The following PIK3C2G variants were observed in gnomAD, a reference collection of about 807,000 sequenced individuals.
PIK3C2G encodes the protein phosphatidylinositol-4-phosphate 3-kinase catalytic subunit type 2 gamma.
A neutral mutation model predicts 181.1 loss-of-function variants in PIK3C2G; 168 were observed. That is an observed-to-expected ratio of 0.93 (90% CI 0.82 to 1.05). PIK3C2G has a LOEUF of 1.05. Among genes scored for constraint, PIK3C2G ranks in the 50% least tolerant of loss-of-function variants. The probability of loss-of-function intolerance (pLI) is 0.00; values close to 1 mark genes in which losing one functional copy is unlikely to be tolerated. For synonymous variants in PIK3C2G, 573 were observed against 592.2 expected (o/e 0.97, Z 0.47); for missense variants, 1,869 against 1,732.8 (o/e 1.08, Z -1.40).
At chr12:18,359,463 G>A (rs542947874) in intron 11 of PIK3C2G, among the ~76,000 whole-genome samples, 35 of 152,220 alleles carry the variant, frequency 2.3e-4, no homozygotes, top group African/African-American at 7.2e-4. Context: ...GGTCTATAGC[G>A]TTGTTCTAAT....
At chr12:18,252,583 T>C (rs960149645) in intron 1 of PIK3C2G, among the ~76,000 whole-genome samples, 3 of 152,122 alleles carry the variant, frequency 2.0e-5, no homozygotes, top group African/African-American at 4.8e-5. Context: ...AATGAAGAAG[T>C]GGCTAGTCGT....
chr12:18,282,037 G>A lies in PIK3C2G; in HGVS notation c.-45G>A, dbSNP rs1413578226. 2 of 1,084,518 alleles carry A rather than the reference G, an allele frequency of 1.8e-6. No individual in the cohort carries two copies. Among genetic ancestry groups the A allele is most frequent in the Non-Finnish European group, 2.7e-6 (2 of 746,050 alleles). 67.2% of individuals were successfully genotyped at this position (1,084,518 alleles called of 1,614,324 possible). A position where few individuals can be genotyped will look rare whatever the true frequency, so the allele number is the denominator to read the frequency against. On this transcript the variant is annotated 5_prime_UTR_variant, in exon 2 of 33. Transcript: ENST00000538779. Reference sequence around the variant, plus strand: ...CTATCTTCTTTTGTATTATCAAGGAGATATTTGGAGCAGAGTCAACCCTCT... The same window carrying A: ...CTATCTTCTTTTGTATTATCAAGGAAATATTTGGAGCAGAGTCAACCCTCT...
At chr12:18,525,368 G>A (rs1032663443) in intron 24 of PIK3C2G, among the ~76,000 whole-genome samples, 3 of 151,520 alleles carry the variant, frequency 2.0e-5, no homozygotes, top group African/African-American at 7.3e-5. Context: ...ACTCCAACCT[G>A]GGCAACAAAA....
chr12:18,637,769 T>C (rs897019829), intron 31 of PIK3C2G, among the ~76,000 whole-genome samples: 2 of 152,236 alleles, frequency 1.3e-5, no homozygotes, highest in Non-Finnish European at 2.9e-5. Context: ...AAATTGTGTC[T>C]TTTGATTACT....
chr12:18,302,581 A>G (rs574677729), intron 5 of PIK3C2G, among the ~76,000 whole-genome samples: 1 of 152,226 alleles, frequency 6.6e-6, no homozygotes, highest in African/African-American at 2.4e-5. Context: ...GTTCATGTGC[A>G]CCAGTAGAAG....
intron 1 of PIK3C2G, among the ~76,000 whole-genome samples, chr12:18,273,382 A>C (rs953580824): frequency 7.9e-5 from 12 of 152,018 alleles, no homozygotes; most frequent in African/African-American, 2.9e-4. Context: ...GTAGCCTTGT[A>C]GTATAGTTTG....
At chr12:18,673,463 G>T in the PIK3C2G span, among the ~76,000 whole-genome samples, 1 of 152,064 alleles carries the variant, frequency 6.6e-6, no homozygotes, top group Non-Finnish European at 1.5e-5. Context: ...AACTATTAGG[G>T]TTTGATGGCA....
chr12:18,683,216 G>A, the PIK3C2G span: 20 of 1,601,096 alleles, frequency 1.2e-5, no homozygotes, highest in Non-Finnish European at 1.6e-5. Flanking sequence ...CATAGCTAAT[G>A]ATATGTCATT....
intron 18 of PIK3C2G, among the ~76,000 whole-genome samples, chr12:18,428,826 G>A (rs1012823302): frequency 6.6e-6 from 1 of 152,122 alleles, no homozygotes. Flanking sequence ...CATCCTAAAA[G>A]GTGGCTATAA....
intron 18 of PIK3C2G, among the ~76,000 whole-genome samples, chr12:18,442,083 A>T (rs561171171): frequency 6.6e-6 from 1 of 152,310 alleles, no homozygotes; most frequent in Non-Finnish European, 1.5e-5. Flanking sequence ...TATTAGCAGC[A>T]TTTATGATCT....
chr12:18,687,877 A>G, the PIK3C2G span, among the ~76,000 whole-genome samples: 1 of 152,206 alleles, frequency 6.6e-6, no homozygotes, highest in Admixed American at 6.5e-5. Context: ...GGTCAGGTAC[A>G]TTTCTGTATT....
At chr12:18,286,820 T>C (rs1369245205) in intron 2 of PIK3C2G, 27 bp from the exon 3 acceptor site, 4 of 1,193,646 alleles carry the variant, frequency 3.4e-6, no homozygotes, top group Non-Finnish European at 4.7e-6. Flanking sequence ...CTCCAAATTA[T>C]ATTAATTTAG....
chr12:18,512,860 T>C (rs1268959850), intron 24 of PIK3C2G, among the ~76,000 whole-genome samples: 1 of 151,940 alleles, frequency 6.6e-6, no homozygotes, highest in African/African-American at 2.4e-5. Context: ...ATGGGCATCC[T>C]TGTCCTGTCT....
chr12:18,562,836 A>T lies in PIK3C2G; in HGVS notation c.3724A>T (p.Thr1242Ser), dbSNP rs1260412111. The T allele has an allele frequency of 1.2e-6, 2 of 1,607,766 alleles. No individual in the cohort carries two copies. ...TFPQESCLLS[T>S]TRSIERATIL... ...TCCTCAGGAATCCTGTTTGCTGAGTACAACTAGGTCGATTGAAAGAGCAAC... is the reference window on the plus strand; with the variant it reads ...TCCTCAGGAATCCTGTTTGCTGAGTTCAACTAGGTCGATTGAAAGAGCAAC... The change falls in exon 27 of 33, where the codon ACA becomes TCA. Residue 1242 changes from threonine (T) to serine (S), a missense_variant. Thr to Ser is a moderately conservative substitution (Grantham distance 58). Transcript: ENST00000538779.
chr12:18,374,513 C>T (rs186317074), intron 13 of PIK3C2G, among the ~76,000 whole-genome samples: 1 of 152,122 alleles, frequency 6.6e-6, no homozygotes, highest in Non-Finnish European at 1.5e-5. Context: ...GAAAAACCGG[C>T]AGTTGGTTAC....
chr12:18,282,256 G>A lies in PIK3C2G; in HGVS notation c.175G>A (p.Asp59Asn). Reference protein sequence around the residue: ...GKIPHYESEIDENTFFVPTAP... With the variant: ...GKIPHYESEINENTFFVPTAP... ...AATTCCACACTACGAGAGTGAAATTGATGAAAACACCTTTTTTGTGCCCAC... is the reference window on the plus strand; with the variant it reads ...AATTCCACACTACGAGAGTGAAATTAATGAAAACACCTTTTTTGTGCCCAC... The change falls in exon 2 of 33, where the codon GAT becomes AAT. Residue 59 changes from aspartate (D) to asparagine (N), a missense_variant. Physicochemically the swap from Asp to Asn is conservative, Grantham distance 23. Transcript: ENST00000538779. 1 of 1,613,688 alleles carries A rather than the reference G, an allele frequency of 6.2e-7. No homozygotes were observed. Among genetic ancestry groups the A allele is most frequent in the Non-Finnish European group, 8.5e-7 (1 of 1,179,748 alleles).
the PIK3C2G span, chr12:18,693,511 C>A: frequency 2.5e-6 from 4 of 1,611,192 alleles, no homozygotes; most frequent in South Asian, 3.3e-5. Context: ...AAACCTCAGC[C>A]ACTTTCTTGA....
At chr12:18,617,952 C>T (rs570395060) in intron 31 of PIK3C2G, among the ~76,000 whole-genome samples, 1 of 152,072 alleles carries the variant, frequency 6.6e-6, no homozygotes, top group Non-Finnish European at 1.5e-5. Context: ...CATAAGACCA[C>T]CACAGCCCAT....
intron 2 of PIK3C2G, among the ~76,000 whole-genome samples, chr12:18,283,989 C>T (rs1949333723): frequency 1.3e-5 from 2 of 151,990 alleles, no homozygotes; most frequent in African/African-American, 2.4e-5. Context: ...TCACTGACTG[C>T]GAAGACAGTG....
Sources: allele counts gnomAD v4.1 joint callset (sites outside exome capture counted in the v4.1 genomes callset), GRCh38; gene constraint gnomAD v4.1.1; transcripts MANE v1.5; gene names NCBI Gene and HGNC (gene_info 2026-07-23, HGNC 2026-07-21).